The following CD226 variants were observed in gnomAD, a reference collection of about 807,000 sequenced individuals.
The protein encoded by CD226 is CD226 antigen.
A neutral mutation model predicts 34.9 loss-of-function variants in CD226; 24 were observed. That is an observed-to-expected ratio of 0.69 (90% CI 0.50 to 0.97). The LOEUF is 0.97. Among genes scored for constraint, CD226 ranks in the 50% least tolerant of loss-of-function variants. CD226 has a pLI of 0.00. For synonymous variants in CD226, 148 were observed against 147.4 expected (o/e 1.00, Z -0.03); for missense variants, 397 against 412.7 (o/e 0.96, Z 0.33).
At position 69,860,965 on chromosome 18, in the gene CD226, T is replaced by C. The variant is rs1982782794; in HGVS notation, c.*3349A>G. On this transcript the variant is annotated 3_prime_UTR_variant, in exon 6 of 6. Transcript: ENST00000582621. ...TATAAATCAAGGAGAAGCATTTTGG[T>C]CACAGTGATCTCTAATTACAATGTG... 1 of 152,080 alleles carries C rather than the reference T, an allele frequency of 6.6e-6. No homozygotes were observed. Among genetic ancestry groups the C allele is most frequent in the African/African-American group, 2.4e-5 (1 of 41,452 alleles). 9.4% of individuals were successfully genotyped at this position (152,080 alleles called of 1,614,324 possible).
chr18:69,922,504 C>T (rs892301229), intron 2 of CD226, among the ~76,000 whole-genome samples: 1 of 152,222 alleles, frequency 6.6e-6, no homozygotes, highest in Non-Finnish European at 1.5e-5. Flanking sequence ...TGGTTTCAAA[C>T]TCCTAGGCTC....
At chr18:69,930,470 A>G (rs1297935839) in intron 2 of CD226, among the ~76,000 whole-genome samples, 1 of 152,136 alleles carries the variant, frequency 6.6e-6, no homozygotes, top group Non-Finnish European at 1.5e-5. Flanking sequence ...GAAGTGAAAA[A>G]CTAGAGACAT....
chr18:69,861,557 T>TATATATATATATATAC lies in CD226; in HGVS notation c.*2756_*2757insGTATATATATATATAT, dbSNP rs1982829321. ...AATTATATGTGTATATATATATGTA[T>TATATATATATATATAC]ATATATATATATATATGTAAAACTT... On this transcript the variant is annotated 3_prime_UTR_variant, in exon 6 of 6. Coordinates refer to ENST00000582621, the MANE Select transcript of CD226 (RefSeq NM_001303618.2). 1 of 109,076 alleles carries TATATATATATATATAC rather than the reference T, an allele frequency of 9.2e-6. No individual in the cohort carries two copies. The highest frequency in any genetic ancestry group is 1.9e-5 in the Non-Finnish European group (1 of 52,718). The allele number at this position is 109,076 out of a possible 1,614,324, so 6.8% of individuals were successfully genotyped here.
At chr18:69,870,466 G>A (rs760509359) in intron 4 of CD226, among the ~76,000 whole-genome samples, 1 of 151,434 alleles carries the variant, frequency 6.6e-6, no homozygotes, top group Non-Finnish European at 1.5e-5. Flanking sequence ...GTAGAGATGG[G>A]GTTTCACCAT....
intron 2 of CD226, among the ~76,000 whole-genome samples, chr18:69,937,609 A>G (rs995086121): frequency 6.6e-6 from 1 of 152,204 alleles, no homozygotes; most frequent in Non-Finnish European, 1.5e-5. Flanking sequence ...ACCACTGAAC[A>G]TTACATTGTA....
chr18:69,949,321 A>G (rs747965008), upstream of CD226, among the ~76,000 whole-genome samples: 22 of 152,206 alleles, frequency 1.4e-4, no homozygotes, highest in Non-Finnish European at 1.9e-4. Flanking sequence ...CGTTTTGGAA[A>G]GATAATCTTG....
intron 2 of CD226, among the ~76,000 whole-genome samples, chr18:69,939,305 ATT>A (rs1462852865): frequency 1.3e-5 from 2 of 152,184 alleles, no homozygotes; most frequent in Admixed American, 1.3e-4. Context: ...TAAATAACGT[ATT>A]GTTTAATTAT....
At chr18:69,915,909 G>C (rs2145297412) in intron 2 of CD226, among the ~76,000 whole-genome samples, 1 of 152,254 alleles carries the variant, frequency 6.6e-6, no homozygotes, top group South Asian at 2.1e-4. Context: ...TTGGGGATCA[G>C]AATCAAATCA....
upstream of CD226, among the ~76,000 whole-genome samples, chr18:69,960,851 C>T (rs996744300): frequency 6.6e-6 from 1 of 152,128 alleles, no homozygotes; most frequent in African/African-American, 2.4e-5. Flanking sequence ...CTAACAGCAA[C>T]CTTGATAGTG....
At chr18:69,866,018 G>GA (rs35722628) in intron 5 of CD226, among the ~76,000 whole-genome samples, 7 of 150,838 alleles carry the variant, frequency 4.6e-5, no homozygotes, top group Admixed American at 6.6e-5. Context: ...CCTAACTTGA[G>GA]AAAAAAAAAA....
chr18:69,938,927 A>C (rs2055688624), intron 2 of CD226, among the ~76,000 whole-genome samples: 1 of 152,130 alleles, frequency 6.6e-6, no homozygotes, highest in Non-Finnish European at 1.5e-5. Context: ...TCTCTACAAA[A>C]ATACAAAAAT....
chr18:69,959,461 T>C (rs2055919490), upstream of CD226, among the ~76,000 whole-genome samples: 1 of 152,204 alleles, frequency 6.6e-6, no homozygotes, highest in Non-Finnish European at 1.5e-5. Context: ...AGTTGCAGCA[T>C]CGCATCAGCT....
intron 2 of CD226, among the ~76,000 whole-genome samples, chr18:69,924,230 T>A (rs982207878): frequency 6.6e-6 from 1 of 152,052 alleles, no homozygotes; most frequent in Non-Finnish European, 1.5e-5. Context: ...CTGCATCGTA[T>A]CTTGAATTCT....
intron 5 of CD226, among the ~76,000 whole-genome samples, chr18:69,865,742 G>A (rs1983102304): frequency 6.6e-6 from 1 of 152,202 alleles, no homozygotes; most frequent in Non-Finnish European, 1.5e-5. Context: ...TAAATAAAAA[G>A]TTAAACTGAT....
chr18:69,933,521 T>C (rs2055614304), intron 2 of CD226, among the ~76,000 whole-genome samples: 1 of 152,162 alleles, frequency 6.6e-6, no homozygotes, highest in African/African-American at 2.4e-5. Flanking sequence ...TCCCCAAACC[T>C]TGCTTTAAGC....
intron 2 of CD226, among the ~76,000 whole-genome samples, chr18:69,944,136 A>C (rs2145362238): frequency 6.6e-6 from 1 of 152,270 alleles, no homozygotes; most frequent in Non-Finnish European, 1.5e-5. Context: ...TTTTAAACTC[A>C]CTATCATTCT....
At chr18:69,941,651 G>A (rs1298576420) in intron 2 of CD226, among the ~76,000 whole-genome samples, 1 of 152,152 alleles carries the variant, frequency 6.6e-6, no homozygotes, top group African/African-American at 2.4e-5. Context: ...TTTTATCTAG[G>A]AAGTAACTAA....
chr18:69,926,405 T>G (rs369803496), intron 2 of CD226, among the ~76,000 whole-genome samples: 15 of 152,142 alleles, frequency 9.9e-5, no homozygotes, highest in African/African-American at 3.4e-4. Flanking sequence ...CAATGAGGAA[T>G]GACAACAGTC....
At chr18:69,941,338 C>T (rs1034896120) in intron 2 of CD226, among the ~76,000 whole-genome samples, 6 of 152,338 alleles carry the variant, frequency 3.9e-5, no homozygotes, top group East Asian at 3.9e-4. Context: ...GATCCACAGA[C>T]GGCTTGCACC....
Sources: gnomAD v4.1 joint callset for allele counts (sites outside exome capture counted in the v4.1 genomes callset) on GRCh38, gnomAD v4.1.1 for gene constraint, MANE v1.5 for transcripts, NCBI Gene and HGNC (gene_info 2026-07-23, HGNC 2026-07-21) for gene names.